The following LMTK3 variants were observed in gnomAD, a reference collection of about 807,000 sequenced individuals.
LMTK3 encodes the protein lemur tail kinase 3, also known as serine/threonine-protein kinase LMTK3.
LMTK3 carries 27 observed loss-of-function variants against 116.7 expected under a neutral mutation model. The observed-to-expected ratio is 0.23, with a 90% CI of 0.17 to 0.32. The LOEUF is 0.32. LMTK3 is among the 10% of genes least tolerant of loss of function. The pLI, the probability that LMTK3 is intolerant of heterozygous loss-of-function variation, is 1.00. For synonymous variants in LMTK3, 965 were observed against 971.0 expected (o/e 0.99, Z 0.11); for missense variants, 1,764 against 2,068.5 (o/e 0.85, Z 2.86).
At chr19:48,486,047 CTTTTTTTTT>C (rs141193575) in intron 14 of LMTK3, among the ~76,000 whole-genome samples, 9 of 59,788 alleles carry the variant, frequency 1.5e-4, no homozygotes, top group African/African-American at 3.1e-4. Context: ...AACATTCTTC[CTTTTTTTTT>C]TTTTTTTTTT....
In LMTK3 at chr19:48,499,879, T is replaced by C; in HGVS notation, c.1190A>G (p.Gln397Arg). ...TTGGAGATCAGAGGCTGAAGGGCGC[T>C]GGGCAGGTGGCCGCCAGCAGGACTG... ...ILQSCWRPPA[Q>R]RPSASDLQLQ... The change falls in exon 11 of 15, where the codon CAG becomes CGG. Residue 397 changes from glutamine to arginine, a missense_variant. Physicochemically the swap from Gln to Arg is conservative, Grantham distance 43. This residue lies in a region of LMTK3 where 271 missense variants were observed against 478.2 expected (regional missense o/e 0.57). Transcript: ENST00000600059. 6.3e-7 allele frequency: 1 copy of C among 1,597,906 alleles called. No homozygotes were observed. The highest frequency in any genetic ancestry group is 8.5e-7 in the Non-Finnish European group (1 of 1,174,032).
intron 14 of LMTK3, among the ~76,000 whole-genome samples, chr19:48,490,594 T>G (rs1424786340): frequency 6.7e-6 from 1 of 149,462 alleles, no homozygotes; most frequent in Non-Finnish European, 1.5e-5. Flanking sequence ...CAATGAACAT[T>G]AAATGGGTTA....
chr19:48,493,489 G>A (rs1415304651), intron 12 of LMTK3, among the ~76,000 whole-genome samples: 1 of 134,022 alleles, frequency 7.5e-6, no homozygotes, highest in African/African-American at 3.0e-5. Context: ...CTCCCTTCAG[G>A]CCACGCCCCA....
At position 48,498,368 on chromosome 19, in the gene LMTK3, G is replaced by A. The variant is rs1379093802; in HGVS notation, c.2701C>T (p.Pro901Ser). 4 of 1,612,862 alleles carry A rather than the reference G, an allele frequency of 2.5e-6. No individual in the cohort carries two copies. Among genetic ancestry groups the A allele is most frequent in the Non-Finnish European group, 2.5e-6 (3 of 1,179,740 alleles). The change falls in exon 11 of 15, where the codon CCG (proline) becomes TCG (serine). Residue 901 changes from proline to serine, a missense_variant. Around this residue, in one of 7 missense-constraint regions of LMTK3, gnomAD observed 1,028 missense variants for 1,050.6 expected, o/e 0.98. Transcript: ENST00000600059. ...ACTGTCGGGTCCCTGTTCAGGCCCGGGACTTTCTCTCTGTTCCCGGGGCCT... is the reference window on the plus strand; with the variant it reads ...ACTGTCGGGTCCCTGTTCAGGCCCGAGACTTTCTCTCTGTTCCCGGGGCCT... ...GRGPGNREKVPGLNRDPTVLG... is the reference protein window; with the variant it reads ...GRGPGNREKVSGLNRDPTVLG...
chr19:48,504,490 G>A (rs1972529730), intron 5 of LMTK3, among the ~76,000 whole-genome samples: 1 of 152,194 alleles, frequency 6.6e-6, no homozygotes, highest in African/African-American at 2.4e-5. Context: ...GCTGGTATGT[G>A]CTGAGATCCT....
At chr19:48,502,720 AAC>A in intron 6 of LMTK3, 139 bp from the exon 7 acceptor site, 2 of 1,115,032 alleles carry the variant, frequency 1.8e-6, no homozygotes, top group Non-Finnish European at 2.5e-6. Flanking sequence ...AGCAGGTAAT[AAC>A]ACAGCCCATC....
chr19:48,511,620 A>AGGTGGGGGGGGGGGGGGGGGGGGGGGGG lies in LMTK3; in HGVS notation c.-45_-44insCCCCCCCCCCCCCCCCCCCCCCCCCACC. 1 of 118,212 alleles carries AGGTGGGGGGGGGGGGGGGGGGGGGGGGG rather than the reference A, an allele frequency of 8.5e-6. No homozygotes were observed. The highest frequency in any genetic ancestry group is 1.0e-4 in the East Asian group (1 of 9,764). The allele number at this position is 118,212 out of a possible 1,614,324, so 7.3% of individuals were successfully genotyped here. ...GAGGTGGAGGTGGTGGCGGCTGGGGAGGAGGGGGGGGCGGGCCCTCAGCCC... is the reference window on the plus strand; with the variant it reads ...GAGGTGGAGGTGGTGGCGGCTGGGGAGGTGGGGGGGGGGGGGGGGGGGGGGGGGGGAGGGGGGGGCGGGCCCTCAGCCC... On this transcript the variant is annotated 5_prime_UTR_variant, in exon 1 of 15. Transcript: ENST00000600059.
chr19:48,499,433 C>G lies in LMTK3; in HGVS notation c.1636G>C (p.Gly546Arg). 1.4e-6 allele frequency: 2 copies of G among 1,463,738 alleles called. No individual in the cohort carries two copies. The highest frequency in any genetic ancestry group is 1.8e-6 in the Non-Finnish European group (2 of 1,107,540). 90.7% of individuals were successfully genotyped at this position (1,463,738 alleles called of 1,614,324 possible). ...SEYYIRLEEH[G>R]SPPEPLFPND... ...GGGAAGAGGGGCTCAGGAGGGGAGCCGTGCTCCTCCAAGCGGATGTAGTAC... is the reference window on the plus strand; with the variant it reads ...GGGAAGAGGGGCTCAGGAGGGGAGCGGTGCTCCTCCAAGCGGATGTAGTAC... Residue 546 changes from glycine to arginine, a missense_variant, in exon 11 of 15, where the codon GGC becomes CGC. Physicochemically the swap from Gly to Arg is moderately radical, Grantham distance 125. Coordinates refer to ENST00000600059, the MANE Select transcript of LMTK3 (RefSeq NM_001388485.1).
chr19:48,492,688 C>T (rs1972246686), intron 12 of LMTK3, among the ~76,000 whole-genome samples: 1 of 152,110 alleles, frequency 6.6e-6, no homozygotes, highest in Non-Finnish European at 1.5e-5. Context: ...GAACTCTAGT[C>T]AACAAACCAT....
At chr19:48,493,199 C>T (rs1449503455) in intron 12 of LMTK3, among the ~76,000 whole-genome samples, 3 of 147,006 alleles carry the variant, frequency 2.0e-5, no homozygotes, top group East Asian at 2.1e-4. Context: ...GCCCCGCCCC[C>T]GCTCTAGGCT....
In LMTK3 at chr19:48,499,195, G is replaced by C; in HGVS notation, c.1874C>G (p.Pro625Arg). ...RGAGETLAGD[P>R]AEVLGERGTA... ...CCCCCGCTCCCCCAAGACCTCGGCAGGGTCTCCCGCCAGGGTCTCCCCGGC... is the reference window on the plus strand; with the variant it reads ...CCCCCGCTCCCCCAAGACCTCGGCACGGTCTCCCGCCAGGGTCTCCCCGGC... Residue 625 changes from proline to arginine, a missense_variant, in exon 11 of 15, where the codon CCT becomes CGT. By Grantham distance (103) the Pro-to-Arg change is moderately radical. Coordinates refer to ENST00000600059, the MANE Select transcript of LMTK3 (RefSeq NM_001388485.1). The C allele has an allele frequency of 6.9e-7, 1 of 1,451,726 alleles. No individual in the cohort carries two copies. Among genetic ancestry groups the C allele is most frequent in the South Asian group, 1.4e-5 (1 of 71,640 alleles). The allele number at this position is 1,451,726 out of a possible 1,614,324, so 89.9% of individuals were successfully genotyped here.
chr19:48,508,765 A>G lies in LMTK3; in HGVS notation c.557+86T>C, dbSNP rs59319018. ...AGAGCTGCACAACCGGAAGAGGTAGATTCCAGGTGTGACCCCATACAGCAC... is the reference window on the plus strand; with the variant it reads ...AGAGCTGCACAACCGGAAGAGGTAGGTTCCAGGTGTGACCCCATACAGCAC... On this transcript the variant is annotated intron_variant, in intron 5 of 14. Transcript: ENST00000600059. The G allele has an allele frequency of 0.013, 13,203 of 1,027,974 alleles. 1,040 individuals carry two copies. The African/African-American group carries it at 0.18, about 14-fold the overall frequency. The allele number at this position is 1,027,974 out of a possible 1,614,324, so 63.7% of individuals were successfully genotyped here. A position where few individuals can be genotyped will look rare whatever the true frequency, so the allele number is the denominator to read the frequency against.
At position 48,500,423 on chromosome 19, in the gene LMTK3, A is replaced by C. The variant is rs982589670; in HGVS notation, c.1152-506T>G. Among the ~76,000 whole-genome samples, 1 of 146,620 alleles carries C rather than the reference A, an allele frequency of 6.8e-6. No homozygotes were observed. The highest frequency in any genetic ancestry group is 1.5e-5 in the Non-Finnish European group (1 of 65,848). On this transcript the variant is annotated intron_variant, in intron 10 of 14. Coordinates refer to ENST00000600059, the MANE Select transcript of LMTK3 (RefSeq NM_001388485.1). The surrounding 1 kb of genome is among the most constrained non-coding windows in gnomAD (Gnocchi z 4.0). The stretch of plus-strand genomic sequence containing the variant: ...TGGGCAACAAAAGCAAAAATCTGCC[A>C]AAAAAAAAGAAAGAGAGAGAGGGAC...
Position 48,510,602 on chromosome 19 carries a change from C to G in LMTK3, c.77-10G>C. The G allele has an allele frequency of 6.5e-7, 1 of 1,543,786 alleles. No individual in the cohort carries two copies. The highest frequency in any genetic ancestry group is 8.7e-7 in the Non-Finnish European group (1 of 1,150,668). On this transcript the variant is annotated splice_polypyrimidine_tract_variant and intron_variant, in intron 1 of 14. Transcript: ENST00000600059. ...CCCAGGGCGAATCCATCTGTGGGCA[C>G]AGGGCTGGGCTGGGGTCCCAGCTTC...
upstream of LMTK3, chr19:48,513,462 C>A: frequency 2.0e-6 from 1 of 498,370 alleles, no homozygotes. The surrounding 1 kb of genome is among the most constrained non-coding windows in gnomAD (Gnocchi z 5.6). Context: ...ACACATCAGA[C>A]AAGGACACAC....
rs1972223226 is a variant in LMTK3, at chr19:48,491,448, G to A, written c.4184C>T (p.Pro1395Leu). ...GGGAAACCCATCTCCGGGGGTGGCGGGGTGGGGAGGTGTCGGGGGCGCTGG... is the reference window on the plus strand; with the variant it reads ...GGGAAACCCATCTCCGGGGGTGGCGAGGTGGGGAGGTGTCGGGGGCGCTGG... ...TPPAPPTPPH[P>L]ATPGDGFPSN... Residue 1395 changes from proline to leucine, a missense_variant, in exon 13 of 15, where the codon CCC becomes CTC. Physicochemically the swap from Pro to Leu is moderately conservative, Grantham distance 98. This residue lies in a region of LMTK3 where 281 missense variants were observed against 301.4 expected (regional missense o/e 0.93). Transcript: ENST00000600059. The surrounding 1 kb of genome is among the most constrained non-coding windows in gnomAD (Gnocchi z 5.1). The A allele has an allele frequency of 7.0e-7, 1 of 1,428,252 alleles. No homozygotes were observed. Among genetic ancestry groups the A allele is most frequent in the Admixed American group, 3.0e-5 (1 of 33,756 alleles). 88.5% of individuals were successfully genotyped at this position (1,428,252 alleles called of 1,614,324 possible).
chr19:48,497,476 G>A lies in LMTK3; in HGVS notation c.3593C>T (p.Pro1198Leu). 2.0e-6 allele frequency: 3 copies of A among 1,505,372 alleles called. No individual in the cohort carries two copies. Among genetic ancestry groups the A allele is most frequent in the Non-Finnish European group, 2.7e-6 (3 of 1,130,612 alleles). The allele number at this position is 1,505,372 out of a possible 1,614,324, so 93.3% of individuals were successfully genotyped here. The part of the protein sequence containing the change: ...DTALSGDGDP[P>L]KPERKGPEMP... ...CTCGGGGCCCTTCCTCTCGGGCTTGGGGGGGTCCCCGTCTCCGCTGAGTGC... is the reference window on the plus strand; with the variant it reads ...CTCGGGGCCCTTCCTCTCGGGCTTGAGGGGGTCCCCGTCTCCGCTGAGTGC... The change falls in exon 11 of 15, where the codon CCC (proline) becomes CTC (leucine). Residue 1198 changes from proline (P) to leucine (L), a missense_variant. Pro to Leu is a moderately conservative substitution (Grantham distance 98). This residue lies in a region of LMTK3 where 1,028 missense variants were observed against 1,050.6 expected (regional missense o/e 0.98). Coordinates refer to ENST00000600059, the MANE Select transcript of LMTK3 (RefSeq NM_001388485.1). This position sits in a 1 kb window ranked among gnomAD's most constrained non-coding sequence, Gnocchi z 5.7.
chr19:48,511,298 GC>G (rs951735940), intron 1 of LMTK3, among the ~76,000 whole-genome samples: 1 of 152,122 alleles, frequency 6.6e-6, no homozygotes, highest in Non-Finnish European at 1.5e-5. Context: ...CCCAAACGGA[GC>G]CCCCTCCCCA....
intron 6 of LMTK3, 41 bp downstream of exon 6, chr19:48,502,868 G>T (rs1972496955): frequency 6.9e-7 from 1 of 1,458,020 alleles, no homozygotes; most frequent in Non-Finnish European, 9.5e-7. Context: ...GCCTTGTCCA[G>T]CTGCCCCCTC....
Sources: gnomAD v4.1 joint callset for allele counts (sites outside exome capture counted in the v4.1 genomes callset) on GRCh38, gnomAD v4.1.1 for gene constraint, gnomAD v4.1.1 regional missense constraint, Gnocchi (gnomAD v3.1) non-coding constraint, MANE v1.5 for transcripts, NCBI Gene and HGNC (gene_info 2026-07-23, HGNC 2026-07-21) for gene names.